RNF144B: variants seen among roughly 807,000 people sequenced by gnomAD.
The protein encoded by RNF144B is ring finger protein 144B.
Under a neutral mutation model 40.2 loss-of-function variants are expected in RNF144B, and 25 were observed. That is an observed-to-expected ratio of 0.62 (90% CI 0.45 to 0.87). The LOEUF (loss-of-function observed/expected upper bound fraction) is 0.87, where lower values mean the gene tolerates loss of function less well. Among genes scored for constraint, RNF144B ranks in the 40% least tolerant of loss-of-function variants. The pLI is 0.00. For missense variants in RNF144B, 365 were observed against 373.7 expected (o/e 0.98, Z 0.19); for synonymous variants, 145 against 136.3 (o/e 1.06, Z -0.44).
intron 3 of RNF144B, among the ~76,000 whole-genome samples, chr6:18,432,587 TA>T (rs1294400709): frequency 2.0e-5 from 3 of 152,312 alleles, no homozygotes; most frequent in Non-Finnish European, 2.9e-5. Context: ...GTAGCCCTGT[TA>T]AAAAAGGTGA....
At position 18,468,356 on chromosome 6, in the gene RNF144B, T is replaced by C. The variant is rs1759617440; in HGVS notation, c.*3289T>C. On this transcript the variant is annotated 3_prime_UTR_variant, in exon 8 of 8. Coordinates refer to ENST00000259939, the MANE Select transcript of RNF144B (RefSeq NM_182757.4). ...GAATCTTAGGCATCCTATTTGTTCA[T>C]GCCATGGGTATTTGCTTTGGACTTG... The C allele has an allele frequency of 6.6e-6, 1 of 152,228 alleles. No homozygotes were observed. Among genetic ancestry groups the C allele is most frequent in the Admixed American group, 6.5e-5 (1 of 15,284 alleles). The allele number at this position is 152,228 out of a possible 1,614,324, so 9.4% of individuals were successfully genotyped here. A position where few individuals can be genotyped will look rare whatever the true frequency, so the allele number is the denominator to read the frequency against.
rs1794912613 is a variant in RNF144B at position 18,406,501 on chromosome 6, TAG to T, written c.165+6803_165+6804del. On this transcript the variant is annotated intron_variant, in intron 2 of 7. Transcript: ENST00000259939. This position sits in a 1 kb window ranked among gnomAD's most constrained non-coding sequence, Gnocchi z 4.2. ...GTGTGTGTGTGTGTGTGTGTGTGTG[TAG>T]GGGGAGTAGTAGGAGATGAAGGCTA... Among the ~76,000 whole-genome samples the T allele has an allele frequency of 9.7e-6, 1 of 102,690 alleles. No individual in the cohort carries two copies. Among genetic ancestry groups the T allele is most frequent in the African/African-American group, 4.0e-5 (1 of 24,988 alleles). The allele number at this position is 102,690 out of a possible 152,430, so 67.4% of individuals were successfully genotyped here. A position where few individuals can be genotyped will look rare whatever the true frequency, so the allele number is the denominator to read the frequency against.
chr6:18,402,965 G>T (rs1323240687), intron 2 of RNF144B, among the ~76,000 whole-genome samples: 2 of 152,192 alleles, frequency 1.3e-5, no homozygotes, highest in African/African-American at 4.8e-5. Flanking sequence ...AGAACATGAG[G>T]TGTATTACAG....
Position 18,464,781 on chromosome 6 carries a change from C to T in RNF144B, c.772-146C>T. 1 of 767,742 alleles carries T rather than the reference C, an allele frequency of 1.3e-6. No homozygotes were observed. 47.6% of individuals were successfully genotyped at this position (767,742 alleles called of 1,614,324 possible). A position where few individuals can be genotyped will look rare whatever the true frequency, so the allele number is the denominator to read the frequency against. On this transcript the variant is annotated intron_variant, in intron 7 of 7. Transcript: ENST00000259939. This position sits in a 1 kb window ranked among gnomAD's most constrained non-coding sequence, Gnocchi z 6.1. Reference sequence around the variant, plus strand: ...CTTCTAAAGGCCTCGTCTCCAAATACCGTCACATCGGGGATTTAGGGTTTC... The same window carrying T: ...CTTCTAAAGGCCTCGTCTCCAAATATCGTCACATCGGGGATTTAGGGTTTC...
chr6:18,387,360 C>G lies in RNF144B; in HGVS notation c.-307C>G. On this transcript the variant is annotated 5_prime_UTR_variant, in exon 1 of 8. Transcript: ENST00000259939. ...GCTACCGCTGCTGGCGAGCTGTGCC[C>G]CACGCTCCCGCTGCAACAGTCCCGG... 3 of 1,150,258 alleles carry G rather than the reference C, an allele frequency of 2.6e-6. No individual in the cohort carries two copies. The highest frequency in any genetic ancestry group is 1.7e-5 in the South Asian group (1 of 60,454). 71.3% of individuals were successfully genotyped at this position (1,150,258 alleles called of 1,614,324 possible).
intron 3 of RNF144B, among the ~76,000 whole-genome samples, chr6:18,435,779 A>G (rs1010902346): frequency 2.6e-5 from 4 of 151,594 alleles, no homozygotes; most frequent in African/African-American, 7.3e-5. Flanking sequence ...AGGACAAAAA[A>G]CCAAACACCA....
In RNF144B at chr6:18,464,683, C is replaced by A. The variant is rs895221494; in HGVS notation, c.772-244C>A. ...TGGCATAGAGCCTAGAGAAAGAAAGCAAGCTCTCTGGCATCTGTTCTTGTA... is the reference window on the plus strand; with the variant it reads ...TGGCATAGAGCCTAGAGAAAGAAAGAAAGCTCTCTGGCATCTGTTCTTGTA... On this transcript the variant is annotated intron_variant, in intron 7 of 7. Coordinates refer to ENST00000259939, the MANE Select transcript of RNF144B (RefSeq NM_182757.4). The surrounding 1 kb of genome is among the most constrained non-coding windows in gnomAD (Gnocchi z 6.1). Among the ~76,000 whole-genome samples, 28 of 152,156 alleles carry A rather than the reference C, an allele frequency of 1.8e-4. No individual in the cohort carries two copies. The highest frequency in any genetic ancestry group is 6.5e-4 in the African/African-American group (27 of 41,440).
intron 1 of RNF144B, among the ~76,000 whole-genome samples, chr6:18,389,039 T>A (rs532460821): frequency 1.3e-5 from 2 of 152,270 alleles, no homozygotes; most frequent in South Asian, 2.1e-4. Flanking sequence ...TCACCCTAGA[T>A]AACTTTCTCC....
In RNF144B at chr6:18,464,513, A is replaced by G. The variant is rs1274837196; in HGVS notation, c.772-414A>G. Among the ~76,000 whole-genome samples, 1 of 152,242 alleles carries G rather than the reference A, an allele frequency of 6.6e-6. No homozygotes were observed. Among genetic ancestry groups the G allele is most frequent in the East Asian group, 1.9e-4 (1 of 5,190 alleles). The stretch of plus-strand genomic sequence containing the variant: ...TCAGGCTGCTATAACAAATGACCAT[A>G]GACTGGGAGGCTTAAAGAACAGAAA... On this transcript the variant is annotated intron_variant, in intron 7 of 7. Coordinates refer to ENST00000259939, the MANE Select transcript of RNF144B (RefSeq NM_182757.4). The surrounding 1 kb of genome is among the most constrained non-coding windows in gnomAD (Gnocchi z 6.1).
intron 1 of RNF144B, among the ~76,000 whole-genome samples, 164 bp downstream of exon 1, chr6:18,387,794 A>C (rs2113445775): frequency 6.6e-6 from 1 of 152,326 alleles, no homozygotes; most frequent in African/African-American, 2.4e-5. Flanking sequence ...GAATGCCTTA[A>C]ACACCTGTTA....
In RNF144B at chr6:18,443,774, C is replaced by T. The variant is rs566637216; in HGVS notation, c.331+4030C>T. 7.2e-5 allele frequency among the ~76,000 whole-genome samples: 11 copies of T among 152,214 alleles called. No individual in the cohort carries two copies. The East Asian group carries it at 9.7e-4, about 13-fold the overall frequency. On this transcript the variant is annotated intron_variant, in intron 4 of 7. Transcript: ENST00000259939. The surrounding 1 kb of genome is among the most constrained non-coding windows in gnomAD (Gnocchi z 4.7). ...ATAGACTTCTTATCTACCTCAAACT[C>T]GAGACCTTCATCAGCTAGGTGACTT...
At position 18,388,817 on chromosome 6, in the gene RNF144B, T is replaced by A. The variant is rs370395984; in HGVS notation, c.-37+1187T>A. Among the ~76,000 whole-genome samples, 4 of 150,210 alleles carry A rather than the reference T, an allele frequency of 2.7e-5. No homozygotes were observed. In the East Asian group the frequency reaches 5.9e-4, roughly 22 times the overall value. ...CACCTTTGACTGGCATTTTTTTTTT[T>A]ATTTTTGTCGTGGGCATAAACTTAG... On this transcript the variant is annotated intron_variant, in intron 1 of 7. Coordinates refer to ENST00000259939, the MANE Select transcript of RNF144B (RefSeq NM_182757.4).
chr6:18,400,871 C>G lies in RNF144B; in HGVS notation c.165+1172C>G, dbSNP rs918234314. Among the ~76,000 whole-genome samples, 10 of 152,086 alleles carry G rather than the reference C, an allele frequency of 6.6e-5. No homozygotes were observed. The highest frequency in any genetic ancestry group is 2.4e-4 in the African/African-American group (10 of 41,386). On this transcript the variant is annotated intron_variant, in intron 2 of 7. Transcript: ENST00000259939. The surrounding 1 kb of genome is among the most constrained non-coding windows in gnomAD (Gnocchi z 5.6). ...GTAGGGGGATCAGAAGTAGGCCTTG[C>G]TGAGGAGTGATGTTTGTGCTGCCTC...
Position 18,387,415 on chromosome 6 carries a change from G to A in RNF144B, c.-252G>A. On this transcript the variant is annotated 5_prime_UTR_variant, in exon 1 of 8. Coordinates refer to ENST00000259939, the MANE Select transcript of RNF144B (RefSeq NM_182757.4). ...CGCAGCTGCCAGTCAAGGCTAGGAG[G>A]CGGTCGGGGACTCCGCCTCCTCCCG... 1 of 1,176,652 alleles carries A rather than the reference G, an allele frequency of 8.5e-7. No individual in the cohort carries two copies. Among genetic ancestry groups the A allele is most frequent in the Non-Finnish European group, 1.1e-6 (1 of 930,326 alleles). The allele number at this position is 1,176,652 out of a possible 1,614,324, so 72.9% of individuals were successfully genotyped here. A position where few individuals can be genotyped will look rare whatever the true frequency, so the allele number is the denominator to read the frequency against.
In RNF144B at chr6:18,468,528, G is replaced by GT. The variant is rs1759620552; in HGVS notation, c.*3467dup. The GT allele has an allele frequency of 6.6e-6, 1 of 151,626 alleles. No individual in the cohort carries two copies. The highest frequency in any genetic ancestry group is 2.4e-5 in the African/African-American group (1 of 41,230). The allele number at this position is 151,626 out of a possible 1,614,324, so 9.4% of individuals were successfully genotyped here. On this transcript the variant is annotated 3_prime_UTR_variant, in exon 8 of 8. Transcript: ENST00000259939. ...AAATCACCATTTCTTGGAACCCCAC[G>GT]TTTTTTCTTAAAAATTATTCTGAAT...
rs565740151 is a variant in RNF144B at position 18,441,345 on chromosome 6, G to C, written c.331+1601G>C. Among the ~76,000 whole-genome samples the C allele has an allele frequency of 6.6e-6, 1 of 152,098 alleles. No homozygotes were observed. Among genetic ancestry groups the C allele is most frequent in the African/African-American group, 2.4e-5 (1 of 41,402 alleles). On this transcript the variant is annotated intron_variant, in intron 4 of 7. Transcript: ENST00000259939. The surrounding 1 kb of genome is among the most constrained non-coding windows in gnomAD (Gnocchi z 4.9). ...TGGAGAAAGCCTACAGAGTTAGGTTGGATTTTCAGGCTGCTGCTTAAATGG... is the reference window on the plus strand; with the variant it reads ...TGGAGAAAGCCTACAGAGTTAGGTTCGATTTTCAGGCTGCTGCTTAAATGG...
Position 18,465,147 on chromosome 6 carries a change from C to G in RNF144B, c.*80C>G. 6.9e-7 allele frequency: 1 copy of G among 1,444,974 alleles called. No individual in the cohort carries two copies. Among genetic ancestry groups the G allele is most frequent in the Non-Finnish European group, 9.5e-7 (1 of 1,056,456 alleles). The allele number at this position is 1,444,974 out of a possible 1,614,324, so 89.5% of individuals were successfully genotyped here. On this transcript the variant is annotated 3_prime_UTR_variant, in exon 8 of 8. Transcript: ENST00000259939. ...ATAAAGCCCCATTTAGTGACCTTGC[C>G]TCCTTCTCCTTGCCAACTTTGAAAG...
At chr6:18,439,823 A>G in intron 4 of RNF144B, 79 bp downstream of exon 4, 1 of 954,498 alleles carries the variant, frequency 1.0e-6, no homozygotes. Flanking sequence ...ATGGAAGATA[A>G]AGGCAGCTAT....
At chr6:18,463,440 A>G in intron 7 of RNF144B, 60 bp downstream of exon 7, 1 of 970,728 alleles carries the variant, frequency 1.0e-6, no homozygotes, top group Non-Finnish European at 1.7e-6. Flanking sequence ...TAAAGAGCCC[A>G]CCTCTTCGCC....
Sources: gnomAD v4.1 joint callset for allele counts (sites outside exome capture counted in the v4.1 genomes callset) on GRCh38, gnomAD v4.1.1 for gene constraint, Gnocchi (gnomAD v3.1) non-coding constraint, MANE v1.5 for transcripts, NCBI Gene and HGNC (gene_info 2026-07-23, HGNC 2026-07-21) for gene names.